PCID2: variants seen among roughly 807,000 people sequenced by gnomAD.
PCID2 encodes PCI domain-containing protein 2.
Under a neutral mutation model 61.3 loss-of-function variants are expected in PCID2, and 41 were observed. The ratio of observed to expected loss-of-function variants is 0.67; its 90% confidence interval spans 0.52 to 0.87. The LOEUF (loss-of-function observed/expected upper bound fraction) is 0.87, where lower values mean the gene tolerates loss of function less well. PCID2 is among the 40% of genes least tolerant of loss of function. The probability of loss-of-function intolerance (pLI) is 0.00; values close to 1 mark genes in which losing one functional copy is unlikely to be tolerated. For missense variants in PCID2, 392 were observed against 493.4 expected (o/e 0.79, Z 1.95); for synonymous variants, 187 against 177.8 (o/e 1.05, Z -0.41).
the PCID2 span, chr13:113,172,042 T>C: frequency 6.2e-7 from 1 of 1,613,056 alleles, no homozygotes; most frequent in Non-Finnish European, 8.5e-7. Flanking sequence ...GAGGGCAGGC[T>C]CACATGGTCC....
chr13:113,168,783 T>C, the PCID2 span, among the ~76,000 whole-genome samples: 1 of 152,172 alleles, frequency 6.6e-6, no homozygotes, highest in African/African-American at 2.4e-5. Context: ...GGCTGGAGTG[T>C]AGTGGTGTGA....
At chr13:113,196,134 T>TA (rs760082986) in intron 5 of PCID2, 47 bp downstream of exon 5, 81 of 1,425,322 alleles carry the variant, frequency 5.7e-5, no homozygotes, top group South Asian at 7.0e-5. Flanking sequence ...AAGATTCTGC[T>TA]AAAAAAATTG....
chr13:113,176,434 G>C (rs2037186529), downstream of PCID2, among the ~76,000 whole-genome samples: 1 of 152,302 alleles, frequency 6.6e-6, no homozygotes, highest in Admixed American at 6.5e-5. Flanking sequence ...TGGTCATAAG[G>C]GTGAGGTCCT....
downstream of PCID2, among the ~76,000 whole-genome samples, chr13:113,176,971 C>A (rs1328206585): frequency 6.6e-6 from 1 of 152,178 alleles, no homozygotes; most frequent in Admixed American, 6.5e-5. Context: ...GTGATGGCAG[C>A]CCCAACAGCC....
downstream of PCID2, among the ~76,000 whole-genome samples, chr13:113,175,474 A>C (rs2037170824): frequency 6.9e-6 from 1 of 145,690 alleles, no homozygotes; most frequent in Non-Finnish European, 1.5e-5. Context: ...TTTAAGTCAA[A>C]AGTTGAAGGA....
chr13:113,193,770 T>C (rs571093641), intron 6 of PCID2, among the ~76,000 whole-genome samples: 2 of 152,370 alleles, frequency 1.3e-5, no homozygotes, highest in African/African-American at 2.4e-5. Flanking sequence ...TATTTCCTTG[T>C]TGAGACTTTA....
At chr13:113,185,620 C>A in intron 7 of PCID2, 60 bp from the exon 8 acceptor site, 1 of 1,096,650 alleles carries the variant, frequency 9.1e-7, no homozygotes, top group Non-Finnish European at 1.4e-6. Context: ...TTATAAATCA[C>A]AAAATAAACT....
At chr13:113,204,025 G>A (rs1015141697) in intron 1 of PCID2, among the ~76,000 whole-genome samples, 6 of 152,368 alleles carry the variant, frequency 3.9e-5, no homozygotes, top group African/African-American at 7.2e-5. Context: ...GCTAGAAAGC[G>A]GTTCTGGAGC....
chr13:113,208,262 T>A (rs1461189457), intron 1 of PCID2: 5 of 1,445,234 alleles, frequency 3.5e-6, no homozygotes, highest in Non-Finnish European at 4.5e-6. Flanking sequence ...GCCCTCGGCG[T>A]GGCCCGCAGG....
In PCID2 at chr13:113,178,090, A is replaced by G. The variant is rs963317447; in HGVS notation, c.*108T>C. 7 of 698,506 alleles carry G rather than the reference A, an allele frequency of 1.0e-5. No homozygotes were observed. In the African/African-American group the frequency reaches 1.1e-4, roughly 11 times the overall value. The allele number at this position is 698,506 out of a possible 1,614,324, so 43.3% of individuals were successfully genotyped here. ...CAGCATCCCTGGGAAAAGCGCCTCC[A>G]AGAGTTCCGGCTTCAGGGAGCCTTG... On this transcript the variant is annotated 3_prime_UTR_variant, in exon 14 of 14. Transcript: ENST00000337344.
downstream of PCID2, among the ~76,000 whole-genome samples, chr13:113,173,410 G>A (rs1273772006): frequency 6.6e-6 from 1 of 152,224 alleles, no homozygotes; most frequent in Non-Finnish European, 1.5e-5. Context: ...AAGGGGCACA[G>A]CTGCTTCTCC....
chr13:113,208,384 C>T, intron 1 of PCID2: 1 of 1,439,468 alleles, frequency 6.9e-7, no homozygotes, highest in Non-Finnish European at 9.1e-7. Flanking sequence ...GGACACCGCC[C>T]GGCCCCCACG....
chr13:113,180,266 A>G, intron 10 of PCID2, 35 bp from the exon 11 acceptor site: 1 of 1,487,606 alleles, frequency 6.7e-7, no homozygotes, highest in South Asian at 1.1e-5. Flanking sequence ...AAATGCTTTC[A>G]TTTTTGACAA....
At chr13:113,184,301 C>A (rs1275924544) in intron 9 of PCID2, 45 bp downstream of exon 9, 1 of 1,519,308 alleles carries the variant, frequency 6.6e-7, no homozygotes, top group South Asian at 1.1e-5. Flanking sequence ...GTTCAGAATG[C>A]AATGTCTTAT....
chr13:113,191,610 C>G (rs1385061788), intron 6 of PCID2, among the ~76,000 whole-genome samples: 1 of 152,144 alleles, frequency 6.6e-6, no homozygotes, highest in African/African-American at 2.4e-5. Flanking sequence ...AAACGTTTAA[C>G]AAATATTAAA....
At chr13:113,165,115 T>C in the PCID2 span, 1 of 1,611,742 alleles carries the variant, frequency 6.2e-7, no homozygotes, top group Non-Finnish European at 8.5e-7. Context: ...GGACCTCCCG[T>C]GGCAGGTAAC....
At position 113,179,439 on chromosome 13, in the gene PCID2, A is replaced by T. The variant is rs994450204; in HGVS notation, c.987-350T>A. Among the ~76,000 whole-genome samples the T allele has an allele frequency of 5.9e-5, 9 of 152,128 alleles. No individual in the cohort carries two copies. The highest frequency in any genetic ancestry group is 2.2e-4 in the African/African-American group (9 of 41,408). On this transcript the variant is annotated intron_variant, in intron 12 of 13. Transcript: ENST00000337344. The surrounding 1 kb of genome is among the most constrained non-coding windows in gnomAD (Gnocchi z 4.3). ...CTACTGTTTGTGACGTGCTACCCAC[A>T]GCTCTATACAAAGTTGGCCTTTGCC...
chr13:113,200,565 C>T lies in PCID2; in HGVS notation c.37-49G>A, dbSNP rs747128317. 2.1e-5 allele frequency: 25 copies of T among 1,208,966 alleles called. No individual in the cohort carries two copies. In the Middle Eastern group the frequency reaches 2.5e-3, roughly 119 times the overall value. The allele number at this position is 1,208,966 out of a possible 1,614,324, so 74.9% of individuals were successfully genotyped here. On this transcript the variant is annotated intron_variant, in intron 1 of 13. Transcript: ENST00000337344. Reference sequence around the variant, plus strand: ...TAAGTAGAAAATAAAATATTCTGTTCGAATAGAACCTACAACAATACACTG... The same window carrying T: ...TAAGTAGAAAATAAAATATTCTGTTTGAATAGAACCTACAACAATACACTG...
chr13:113,180,092 G>GT lies in PCID2; in HGVS notation c.861-51dup, dbSNP rs762721509. ...AAGGAGGGTGAGTTTCTCACAGAGC[G>GT]TGCACGTCAACTCTCATCAGGCTTG... is the stretch of plus-strand genomic sequence containing the variant. On this transcript the variant is annotated intron_variant, in intron 11 of 13. Transcript: ENST00000337344. 3 of 1,613,596 alleles carry GT rather than the reference G, an allele frequency of 1.9e-6. No individual in the cohort carries two copies. In the South Asian group the frequency reaches 3.3e-5, roughly 18 times the overall value.
Sources: allele counts gnomAD v4.1 joint callset (sites outside exome capture counted in the v4.1 genomes callset), GRCh38; gene constraint gnomAD v4.1.1; non-coding constraint Gnocchi (gnomAD v3.1); transcripts MANE v1.5; gene names NCBI Gene and HGNC (gene_info 2026-07-23, HGNC 2026-07-21).